The following ZNF500 variants were observed in gnomAD, a reference collection of about 807,000 sequenced individuals.
The protein encoded by ZNF500 is zinc finger protein 500, also known as zinc finger protein with KRAB and SCAN domains 18.
ZNF500 carries 31 observed loss-of-function variants against 30.1 expected under a neutral mutation model. The observed-to-expected ratio is 1.03, with a 90% confidence interval of 0.77 to 1.39. The LOEUF is 1.39. Ranked by LOEUF, ZNF500 falls within the 40% of genes most tolerant of loss-of-function variation. The pLI is 0.00. For missense variants in ZNF500, 817 were observed against 657.8 expected (o/e 1.24, Z -2.65); for synonymous variants, 392 against 282.0 (o/e 1.39, Z -3.91).
At chr16:4,765,316 C>T (rs1008457739) in intron 2 of ZNF500, among the ~76,000 whole-genome samples, 2 of 151,990 alleles carry the variant, frequency 1.3e-5, no homozygotes, top group African/African-American at 4.8e-5. Context: ...ACATGTTTGG[C>T]CTACCCTAGG....
Position 4,766,034 on chromosome 16 carries a change from T to C in ZNF500, c.-56A>G, listed in dbSNP as rs1057154073. ...CCTTAGAGTTGAACCTGTCTCTCTC[T>C]ATACCTCTGGCCAGACACAGGAAGA... is the stretch of plus-strand genomic sequence containing the variant. On this transcript the variant is annotated 5_prime_UTR_variant, in exon 2 of 6. The change creates a new upstream start codon in the 5' untranslated region. Transcript: ENST00000219478. 1 of 1,500,878 alleles carries C rather than the reference T, an allele frequency of 6.7e-7. No homozygotes were observed. The highest frequency in any genetic ancestry group is 1.9e-4 in the Middle Eastern group (1 of 5,178). 93.0% of individuals were successfully genotyped at this position (1,500,878 alleles called of 1,614,324 possible).
In ZNF500 at chr16:4,767,161, G is replaced by T. The variant is rs775411955; in HGVS notation, c.-243C>A. ...CTAAACCAGGGGTGCAAACCAGGCC[G>T]TGCGGGTGGGCCCGCAGGCGGCATT... On this transcript the variant is annotated 5_prime_UTR_variant, in exon 1 of 6. Coordinates refer to ENST00000219478, the MANE Select transcript of ZNF500 (RefSeq NM_021646.4). 1 of 152,296 alleles carries T rather than the reference G, an allele frequency of 6.6e-6. No homozygotes were observed. Among genetic ancestry groups the T allele is most frequent in the Admixed American group, 6.5e-5 (1 of 15,294 alleles). 9.4% of individuals were successfully genotyped at this position (152,296 alleles called of 1,614,324 possible). A position where few individuals can be genotyped will look rare whatever the true frequency, so the allele number is the denominator to read the frequency against.
chr16:4,745,095 C>T (rs2081997517), downstream of ZNF500: 6 of 1,482,256 alleles, frequency 4.0e-6, no homozygotes, highest in Admixed American at 1.8e-5. Flanking sequence ...CTACCAAGGG[C>T]GGGGCACTCC....
At chr16:4,763,836 G>A (rs1002603559) in intron 2 of ZNF500, 7 of 985,326 alleles carry the variant, frequency 7.1e-6, no homozygotes, top group Non-Finnish European at 4.8e-6. Flanking sequence ...GTCAGCTCAC[G>A]CCGTGGTCAA....
At chr16:4,746,568 G>T, downstream of ZNF500, 1 of 1,558,658 alleles carries the variant, frequency 6.4e-7, no homozygotes, top group South Asian at 1.2e-5. Context: ...GTTGCCTGTT[G>T]ACCGCACAGA....
chr16:4,752,931 G>A lies in ZNF500; in HGVS notation c.888C>T (p.Ala296=), dbSNP rs1004809457. ...PGHPLPGQRP[A]PVRGLVRPDQ... is the part of the protein sequence containing the mutation. ...CAGGCCTGACCAAGCCCCTGACTGG[G>A]GCTGGCCTCTGACCTGGGAGCGGGT... is the stretch of plus-strand genomic sequence containing the variant. Residue 296 remains alanine (A), a synonymous_variant, in exon 6 of 6, where the codon GCC becomes GCT. Coordinates refer to ENST00000219478, the MANE Select transcript of ZNF500 (RefSeq NM_021646.4). 3.1e-6 allele frequency: 5 copies of A among 1,613,176 alleles called. No homozygotes were observed. In the African/African-American group the frequency reaches 6.7e-5, roughly 22 times the overall value.
intron 2 of ZNF500, chr16:4,764,189 A>ACCACCTCTCAAGGGCTCAGTC: frequency 1.6e-6 from 1 of 643,980 alleles, no homozygotes. Flanking sequence ...GTGACGACTG[A>ACCACCTCTCAAGGGCTCAGTC]GCCCTTGAGA....
downstream of ZNF500, chr16:4,747,197 C>T: frequency 1.6e-6 from 2 of 1,217,598 alleles, no homozygotes; most frequent in Non-Finnish European, 2.3e-6. Context: ...TGGGTCCCAG[C>T]AGTGGCAGCA....
Position 4,751,719 on chromosome 16 carries a change from G to C in ZNF500, c.*657C>G, listed in dbSNP as rs959357794. ...GTTAAGATGAGGTCACAGTGTATTG[G>C]GGGACCCTAAACCCAGTGAGTGGTG... On this transcript the variant is annotated 3_prime_UTR_variant, in exon 6 of 6. Coordinates refer to ENST00000219478, the MANE Select transcript of ZNF500 (RefSeq NM_021646.4). 300 of 1,424,324 alleles carry C rather than the reference G, an allele frequency of 2.1e-4. No homozygotes were observed. The highest frequency in any genetic ancestry group is 1.7e-3 in the Middle Eastern group (9 of 5,172). 88.2% of individuals were successfully genotyped at this position (1,424,324 alleles called of 1,614,324 possible). A position where few individuals can be genotyped will look rare whatever the true frequency, so the allele number is the denominator to read the frequency against.
In ZNF500 at chr16:4,766,053, A is replaced by G; in HGVS notation, c.-75T>C. The G allele has an allele frequency of 1.4e-6, 2 of 1,479,882 alleles. No individual in the cohort carries two copies. Among genetic ancestry groups the G allele is most frequent in the South Asian group, 1.4e-5 (1 of 72,186 alleles). The allele number at this position is 1,479,882 out of a possible 1,614,324, so 91.7% of individuals were successfully genotyped here. A position where few individuals can be genotyped will look rare whatever the true frequency, so the allele number is the denominator to read the frequency against. ...TCTCTCTATACCTCTGGCCAGACAC[A>G]GGAAGAGAGTTTTTTTCAGGGCCCT... On this transcript the variant is annotated 5_prime_UTR_variant, in exon 2 of 6. Coordinates refer to ENST00000219478, the MANE Select transcript of ZNF500 (RefSeq NM_021646.4).
At position 4,752,621 on chromosome 16, in the gene ZNF500, G is replaced by T; in HGVS notation, c.1198C>A (p.Arg400Ser). The change falls in exon 6 of 6, where the codon CGC (arginine) becomes AGC (serine). Residue 400 changes from arginine to serine, a missense_variant. Arg to Ser is a moderately radical substitution (Grantham distance 110). Transcript: ENST00000219478. ...GGCCGCTCCCCGCTGTGTGTCCTGCGGTGGATGACCAGGCTGGAGCTCTGG... is the reference window on the plus strand; with the variant it reads ...GGCCGCTCCCCGCTGTGTGTCCTGCTGTGGATGACCAGGCTGGAGCTCTGG... Reference protein sequence around the residue: ...FSQSSSLVIHRRTHSGERPYA... With the variant: ...FSQSSSLVIHSRTHSGERPYA... The T allele has an allele frequency of 6.2e-7, 1 of 1,608,154 alleles. No homozygotes were observed. The highest frequency in any genetic ancestry group is 2.2e-5 in the East Asian group (1 of 44,572).
intron 1 of ZNF500, 24 bp from the exon 2 acceptor site, chr16:4,766,100 C>G (rs756566150): frequency 3.5e-5 from 44 of 1,254,528 alleles, no homozygotes; most frequent in Non-Finnish European, 4.7e-5. Context: ...ATAAAACCAT[C>G]TGAAGGGCAG....
intron 5 of ZNF500, among the ~76,000 whole-genome samples, chr16:4,760,229 G>A (rs1414797944): frequency 6.6e-6 from 1 of 152,170 alleles, no homozygotes; most frequent in Non-Finnish European, 1.5e-5. Flanking sequence ...GGAGGGCACA[G>A]GGAAGCTGAA....
At chr16:4,762,541 A>G (rs1326213393) in intron 3 of ZNF500, 32 bp downstream of exon 3, 1 of 1,587,168 alleles carries the variant, frequency 6.3e-7, no homozygotes, top group Admixed American at 1.7e-5. Context: ...CCCCTGCACC[A>G]CTTCTCATTC....
chr16:4,754,146 T>G (rs965749752), intron 5 of ZNF500, among the ~76,000 whole-genome samples: 3 of 152,118 alleles, frequency 2.0e-5, no homozygotes, highest in Non-Finnish European at 4.4e-5. Flanking sequence ...TTCATAGCAG[T>G]CCCGCAAGAG....
At chr16:4,754,388 G>C (rs935577127) in intron 5 of ZNF500, among the ~76,000 whole-genome samples, 3 of 152,136 alleles carry the variant, frequency 2.0e-5, no homozygotes, top group African/African-American at 7.2e-5. Flanking sequence ...GGCCGGGCAT[G>C]GTGGCTCATG....
At chr16:4,765,509 G>C in intron 2 of ZNF500, 56 bp downstream of exon 2, 2 of 1,527,518 alleles carry the variant, frequency 1.3e-6, no homozygotes, top group Non-Finnish European at 1.8e-6. Flanking sequence ...TGCAGCTGCA[G>C]ACCCCAGCAG....
chr16:4,758,725 A>G (rs562407694), intron 5 of ZNF500: 1 of 152,352 alleles, frequency 6.6e-6, no homozygotes, highest in Admixed American at 6.5e-5. Flanking sequence ...CCCCAGGTGG[A>G]GAACCCCTGC....
At chr16:4,760,361 G>C in intron 5 of ZNF500, 131 bp downstream of exon 5, 2 of 773,904 alleles carry the variant, frequency 2.6e-6, no homozygotes, top group Non-Finnish European at 4.2e-6. Context: ...ACTCTGCAGG[G>C]ATACGGGTAG....
Sources: gnomAD v4.1 joint callset for allele counts (sites outside exome capture counted in the v4.1 genomes callset) on GRCh38, gnomAD v4.1.1 for gene constraint, MANE v1.5 for transcripts, NCBI Gene and HGNC (gene_info 2026-07-23, HGNC 2026-07-21) for gene names.